Variants in ANP32E observed in about 807,000 individuals in gnomAD.
ANP32E encodes acidic nuclear phosphoprotein 32 family member E, also known as acidic leucine-rich nuclear phosphoprotein 32 family member E.
A neutral mutation model predicts 35.3 loss-of-function variants in ANP32E; 14 were observed. The observed-to-expected ratio is 0.40, with a 90% CI of 0.26 to 0.62. ANP32E has a LOEUF of 0.62. Among genes scored for constraint, ANP32E ranks in the 20% least tolerant of loss-of-function variants. The pLI is 0.45. For missense variants in ANP32E, 198 were observed against 304.4 expected (o/e 0.65, Z 2.60); for synonymous variants, 89 against 110.4 (o/e 0.81, Z 1.22).
rs2101791382 is a variant in ANP32E at position 150,231,897 on chromosome 1, C to T, written c.84G>A (p.Leu28=). 1.2e-6 allele frequency: 2 copies of T among 1,611,984 alleles called. No homozygotes were observed. Among genetic ancestry groups the T allele is most frequent in the Non-Finnish European group, 1.7e-6 (2 of 1,179,502 alleles). The change falls in exon 2 of 7, where the codon CTG becomes CTA. Residue 28 remains leucine, a synonymous_variant. Coordinates refer to ENST00000583931, the MANE Select transcript of ANP32E (RefSeq NM_030920.5). ...GGCCTTCAATTTCCCCATTGACACA[C>T]AGGCAATTATCAAGGACTAACTCTG... ...EVTELVLDNC[L]CVNGEIEGLN...
At chr1:150,229,466 T>G (rs2101784042) in intron 3 of ANP32E, among the ~76,000 whole-genome samples, 1 of 150,958 alleles carries the variant, frequency 6.6e-6, no homozygotes, top group East Asian at 1.9e-4. Context: ...CCCCGCTAAT[T>G]TTTGTGTTTT....
chr1:150,220,789 G>A, intron 6 of ANP32E, 28 bp from the exon 7 acceptor site: 1 of 1,586,942 alleles, frequency 6.3e-7, no homozygotes, highest in Non-Finnish European at 8.7e-7. Flanking sequence ...AAAATGCAAA[G>A]TGCTTAATTT....
chr1:150,226,824 A>G lies in ANP32E; in HGVS notation c.494-29T>C, dbSNP rs1348754707. Reference sequence around the variant, plus strand: ...TAAAAAATCATTTAAAGATGAGTAAATGACTGGGTAAATGTTTCTTCCTAG... The same window carrying G: ...TAAAAAATCATTTAAAGATGAGTAAGTGACTGGGTAAATGTTTCTTCCTAG... On this transcript the variant is annotated intron_variant, in intron 4 of 6. Coordinates refer to ENST00000583931, the MANE Select transcript of ANP32E (RefSeq NM_030920.5). The G allele has an allele frequency of 1.9e-6, 3 of 1,581,974 alleles. No individual in the cohort carries two copies. In the Admixed American group the frequency reaches 5.5e-5, roughly 29 times the overall value.
intron 4 of ANP32E, among the ~76,000 whole-genome samples, chr1:150,228,223 G>T (rs1413452222): frequency 1.3e-5 from 2 of 151,552 alleles, no homozygotes; most frequent in Non-Finnish European, 2.9e-5. Context: ...ATTCTGCCTC[G>T]GCTTCCCATG....
rs189619853 is a variant in ANP32E at position 150,223,638 on chromosome 1, G to A, written c.682-398C>T. ...AGAGGTTGCAGTGAGCTGAGATAGC[G>A]CCATTGCACTCCAGCCTGGCAGAAA... On this transcript the variant is annotated intron_variant, in intron 5 of 6. Transcript: ENST00000583931. Among the ~76,000 whole-genome samples, 115 of 120,382 alleles carry A rather than the reference G, an allele frequency of 9.6e-4. 2 individuals are homozygous for A. Among genetic ancestry groups the A allele is most frequent in the African/African-American group, 3.4e-3 (105 of 31,014 alleles). The allele number at this position is 120,382 out of a possible 152,430, so 79.0% of individuals were successfully genotyped here. A position where few individuals can be genotyped will look rare whatever the true frequency, so the allele number is the denominator to read the frequency against.
In ANP32E at chr1:150,232,041, C is replaced by T. The variant is rs377735406; in HGVS notation, c.55-115G>A. ...AAACCACCAATCTCCAGTTTGATTG[C>T]CCGTCAGTTAAAACAAAATACGGCC... On this transcript the variant is annotated intron_variant, in intron 1 of 6. Transcript: ENST00000583931. 20 of 1,120,450 alleles carry T rather than the reference C, an allele frequency of 1.8e-5. No homozygotes were observed. The South Asian group carries it at 2.7e-4, about 15-fold the overall frequency. 69.4% of individuals were successfully genotyped at this position (1,120,450 alleles called of 1,614,324 possible).
chr1:150,222,142 C>T (rs868934879), intron 6 of ANP32E, among the ~76,000 whole-genome samples: 2 of 150,926 alleles, frequency 1.3e-5, no homozygotes, highest in African/African-American at 4.9e-5. Flanking sequence ...TAAAATAGGC[C>T]GGGTGCGGTG....
At position 150,236,029 on chromosome 1, in the gene ANP32E, C is replaced by T. The variant is rs1553843287; in HGVS notation, c.-243G>A. The T allele has an allele frequency of 5.6e-6, 3 of 535,278 alleles. No homozygotes were observed. Among genetic ancestry groups the T allele is most frequent in the Non-Finnish European group, 6.7e-6 (2 of 296,366 alleles). 33.2% of individuals were successfully genotyped at this position (535,278 alleles called of 1,614,324 possible). ...CCACACACTAGCGCGCGCACACACACGCACGCACGCGCGCACACACATACA... is the reference window on the plus strand; with the variant it reads ...CCACACACTAGCGCGCGCACACACATGCACGCACGCGCGCACACACATACA... On this transcript the variant is annotated 5_prime_UTR_variant, in exon 1 of 7. It adds an upstream start codon to the 5' untranslated region. Coordinates refer to ENST00000583931, the MANE Select transcript of ANP32E (RefSeq NM_030920.5).
Position 150,236,051 on chromosome 1 carries a change from T to TAC in ANP32E, c.-267_-266dup, listed in dbSNP as rs1159794096. The TAC allele has an allele frequency of 2.5e-5, 12 of 488,514 alleles. No homozygotes were observed. The highest frequency in any genetic ancestry group is 1.9e-4 in the East Asian group (5 of 26,254). 30.3% of individuals were successfully genotyped at this position (488,514 alleles called of 1,614,324 possible). Reference sequence around the variant, plus strand: ...ACACGCACGCACGCGCGCACACACATACACACACACATACACACACACACC... The same window carrying TAC: ...ACACGCACGCACGCGCGCACACACATACACACACACACATACACACACACACC... On this transcript the variant is annotated 5_prime_UTR_variant, in exon 1 of 7. It introduces an in-frame stop codon into an upstream open reading frame of the 5' UTR. Coordinates refer to ENST00000583931, the MANE Select transcript of ANP32E (RefSeq NM_030920.5).
At chr1:150,224,716 T>C (rs928304992) in intron 5 of ANP32E, among the ~76,000 whole-genome samples, 2 of 152,356 alleles carry the variant, frequency 1.3e-5, no homozygotes, top group East Asian at 1.9e-4. Context: ...GTTTATATTA[T>C]GTATCTAACC....
rs1553837093 is a variant in ANP32E, at chr1:150,220,137, A to G, written c.*554T>C. Reference sequence around the variant, plus strand: ...AAATCCATGAACTATGTTGCTGAATAGAACCTTTACTATTCTGCTTCTATT... The same window carrying G: ...AAATCCATGAACTATGTTGCTGAATGGAACCTTTACTATTCTGCTTCTATT... On this transcript the variant is annotated 3_prime_UTR_variant, in exon 7 of 7. Transcript: ENST00000583931. 1 of 151,992 alleles carries G rather than the reference A, an allele frequency of 6.6e-6. No homozygotes were observed. Among genetic ancestry groups the G allele is most frequent in the African/African-American group, 2.4e-5 (1 of 41,240 alleles). The allele number at this position is 151,992 out of a possible 1,614,324, so 9.4% of individuals were successfully genotyped here. A position where few individuals can be genotyped will look rare whatever the true frequency, so the allele number is the denominator to read the frequency against.
chr1:150,234,629 C>T (rs1268344820), intron 1 of ANP32E: 4 of 985,506 alleles, frequency 4.1e-6, no homozygotes, highest in African/African-American at 3.5e-5. Flanking sequence ...CTCTGCGAGG[C>T]TCCCCGCTGG....
In ANP32E at chr1:150,221,612, A is replaced by AGGAAGGAAGGAAGGAAGGAAGGAG. The variant is rs1559994127; in HGVS notation, c.737-852_737-851insCTCCTTCCTTCCTTCCTTCCTTCC. On this transcript the variant is annotated intron_variant, in intron 6 of 6. Coordinates refer to ENST00000583931, the MANE Select transcript of ANP32E (RefSeq NM_030920.5). ...AGGGAGGGAGGGAGGGAGGGAAGGA[A>AGGAAGGAAGGAAGGAAGGAAGGAG]GGAAGGAAGGAAGGAAATTATACTT... 2.3e-5 allele frequency among the ~76,000 whole-genome samples: 3 copies of AGGAAGGAAGGAAGGAAGGAAGGAG among 132,406 alleles called. 1 individual carries two copies. Among genetic ancestry groups the AGGAAGGAAGGAAGGAAGGAAGGAG allele is most frequent in the African/African-American group, 1.2e-4 (3 of 25,564 alleles). The allele number at this position is 132,406 out of a possible 152,430, so 86.9% of individuals were successfully genotyped here. A position where few individuals can be genotyped will look rare whatever the true frequency, so the allele number is the denominator to read the frequency against.
At chr1:150,220,900 T>C in intron 6 of ANP32E, 139 bp from the exon 7 acceptor site, 1 of 662,110 alleles carries the variant, frequency 1.5e-6, no homozygotes, top group Non-Finnish European at 2.7e-6. Context: ...TTTGGGAGGC[T>C]GAGGTGGATG....
At chr1:150,233,582 TA>T (rs1553842476) in intron 1 of ANP32E, among the ~76,000 whole-genome samples, 1 of 152,190 alleles carries the variant, frequency 6.6e-6, no homozygotes, top group African/African-American at 2.4e-5. Context: ...CCCTATTAGG[TA>T]AGAGTTGTAG....
intron 6 of ANP32E, among the ~76,000 whole-genome samples, chr1:150,222,844 A>C (rs1416199939): frequency 6.6e-6 from 1 of 151,932 alleles, no homozygotes; most frequent in Non-Finnish European, 1.5e-5. Context: ...CTGGAGTTCA[A>C]CTGCTCCTCT....
intron 6 of ANP32E, among the ~76,000 whole-genome samples, chr1:150,222,928 C>T (rs782591041): frequency 6.6e-6 from 1 of 151,860 alleles, no homozygotes; most frequent in Non-Finnish European, 1.5e-5. Context: ...AGGTTCCATT[C>T]ATCTCTTCAT....
At chr1:150,228,697 T>TAA (rs782529457) in intron 4 of ANP32E, among the ~76,000 whole-genome samples, 3,341 of 142,610 alleles carry the variant, frequency 0.023, 71 homozygotes, top group African/African-American at 0.06. Flanking sequence ...CCTCTCAACA[T>TAA]AAAAAAAAAA....
chr1:150,233,234 C>T (rs1323885315), intron 1 of ANP32E, among the ~76,000 whole-genome samples: 1 of 135,780 alleles, frequency 7.4e-6, no homozygotes, highest in Non-Finnish European at 1.5e-5. Flanking sequence ...CATTGCACTC[C>T]AGCTTGGGCA....
Sources: gnomAD v4.1 joint callset for allele counts (sites outside exome capture counted in the v4.1 genomes callset) on GRCh38, gnomAD v4.1.1 for gene constraint, MANE v1.5 for transcripts, NCBI Gene and HGNC (gene_info 2026-07-23, HGNC 2026-07-21) for gene names.